The following ITPR2 variants were observed in gnomAD, a reference collection of about 807,000 sequenced individuals.
ITPR2 encodes inositol 1,4,5-trisphosphate-gated calcium channel ITPR2.
A neutral mutation model predicts 317.1 loss-of-function variants in ITPR2; 207 were observed. The ratio of observed to expected loss-of-function variants is 0.65; its 90% CI spans 0.58 to 0.73. The LOEUF (loss-of-function observed/expected upper bound fraction) is 0.73, where lower values mean the gene tolerates loss of function less well. ITPR2 is among the 30% of genes least tolerant of loss of function. The pLI, the probability that ITPR2 is intolerant of heterozygous loss-of-function variation, is 0.00. For synonymous variants in ITPR2, 1,156 were observed against 1,149.1 expected (o/e 1.01, Z -0.12); for missense variants, 2,613 against 3,284.0 (o/e 0.80, Z 4.99).
intron 37 of ITPR2, among the ~76,000 whole-genome samples, chr12:26,507,649 T>A (rs1943222098): frequency 6.6e-6 from 1 of 152,148 alleles, no homozygotes; most frequent in African/African-American, 2.4e-5. Flanking sequence ...TGAAATTAGC[T>A]TCTGGAAAAA....
At chr12:26,680,561 T>A (rs1309885221) in intron 13 of ITPR2, among the ~76,000 whole-genome samples, 1 of 152,150 alleles carries the variant, frequency 6.6e-6, no homozygotes, top group African/African-American at 2.4e-5. Context: ...CAGAAACTGA[T>A]AGATAAAATC....
intron 32 of ITPR2, among the ~76,000 whole-genome samples, chr12:26,589,699 A>C (rs1354159967): frequency 6.7e-6 from 1 of 149,468 alleles, no homozygotes; most frequent in African/African-American, 2.5e-5. Flanking sequence ...AGGCAGGAGA[A>C]TCACTTGAAA....
At chr12:26,715,969 T>C in intron 6 of ITPR2, 134 bp from the exon 7 acceptor site, 4 of 741,818 alleles carry the variant, frequency 5.4e-6, no homozygotes, top group South Asian at 5.4e-5. Flanking sequence ...CAAGTATCTT[T>C]GAGAGACCAT....
chr12:26,605,249 C>A (rs920902006), intron 26 of ITPR2, among the ~76,000 whole-genome samples: 2 of 151,474 alleles, frequency 1.3e-5, no homozygotes, highest in African/African-American at 4.8e-5. Flanking sequence ...GGCTAGAGGT[C>A]AGAGTATAAA....
At chr12:26,507,863 C>CTCTG (rs372756412) in intron 37 of ITPR2, among the ~76,000 whole-genome samples, 28 of 132,284 alleles carry the variant, frequency 2.1e-4, no homozygotes, top group South Asian at 1.9e-3. Context: ...CTCTCTGTCT[C>CTCTG]TGTGTGTGTG....
intron 44 of ITPR2, 127 bp downstream of exon 44, chr12:26,476,785 G>C (rs1018437885): frequency 2.1e-5 from 13 of 634,028 alleles, no homozygotes; most frequent in Non-Finnish European, 3.6e-5. Context: ...GTAATGGTAG[G>C]TCATGATGTT....
At chr12:26,825,295 T>C (rs1950993048) in intron 1 of ITPR2, among the ~76,000 whole-genome samples, 1 of 152,192 alleles carries the variant, frequency 6.6e-6, no homozygotes, top group Non-Finnish European at 1.5e-5. Flanking sequence ...AAATTTCATG[T>C]CTGGTTATAA....
chr12:26,469,752 G>GA (rs967689575), intron 45 of ITPR2, among the ~76,000 whole-genome samples: 3 of 151,976 alleles, frequency 2.0e-5, no homozygotes, highest in South Asian at 2.1e-4. Flanking sequence ...GAAACTCAAT[G>GA]AAAGAAAGAA....
chr12:26,736,762 A>C (rs2137073501), intron 2 of ITPR2, among the ~76,000 whole-genome samples: 1 of 152,350 alleles, frequency 6.6e-6, no homozygotes, highest in South Asian at 2.1e-4. Context: ...TTTTAGGCTG[A>C]TTCATATTAG....
intron 37 of ITPR2, among the ~76,000 whole-genome samples, chr12:26,503,224 TTAAG>T (rs1244242292): frequency 3.8e-5 from 1 of 26,066 alleles, no homozygotes; most frequent in Non-Finnish European, 1.2e-4. Context: ...CACACACGGA[TTAAG>T]TGAGAGACAA....
chr12:26,620,068 C>T lies in ITPR2; in HGVS notation c.3462+1055G>A, dbSNP rs75360896. On this transcript the variant is annotated intron_variant, in intron 26 of 56. Coordinates refer to ENST00000381340, the MANE Select transcript of ITPR2 (RefSeq NM_002223.4). ...ACCTGGCATTCAGCAAGCATTCCCA[C>T]CCCTCACGGTCCCTCTGTATCACAG... 7.0e-3 allele frequency among the ~76,000 whole-genome samples: 1,063 copies of T among 152,320 alleles called. 16 individuals carry two copies. The highest frequency in any genetic ancestry group is 0.024 in the African/African-American group (995 of 41,560).
At chr12:26,388,973 C>T (rs754073449) in intron 54 of ITPR2, among the ~76,000 whole-genome samples, 3 of 152,122 alleles carry the variant, frequency 2.0e-5, no homozygotes, top group East Asian at 1.9e-4. Flanking sequence ...GAATCCTCTC[C>T]GCCTCTCACA....
At chr12:26,529,543 CT>C (rs1943898227) in intron 37 of ITPR2, among the ~76,000 whole-genome samples, 1 of 152,214 alleles carries the variant, frequency 6.6e-6, no homozygotes, top group South Asian at 2.1e-4. Flanking sequence ...TGTTCTTGCT[CT>C]CCTTTTATCC....
chr12:26,457,438 C>T (rs548721675), intron 45 of ITPR2, among the ~76,000 whole-genome samples: 2 of 152,236 alleles, frequency 1.3e-5, no homozygotes, highest in African/African-American at 2.4e-5. Context: ...TTGACTTTTG[C>T]TGTGAAACTG....
intron 1 of ITPR2, among the ~76,000 whole-genome samples, chr12:26,805,405 G>A (rs1950624582): frequency 6.6e-6 from 1 of 152,128 alleles, no homozygotes. Flanking sequence ...CTGACACCAA[G>A]TACATACTCA....
intron 51 of ITPR2, among the ~76,000 whole-genome samples, chr12:26,414,989 G>T (rs1026056835): frequency 6.6e-6 from 1 of 152,070 alleles, no homozygotes; most frequent in African/African-American, 2.4e-5. Context: ...AGGAGGAAAA[G>T]ATTTTTAAAG....
intron 13 of ITPR2, among the ~76,000 whole-genome samples, chr12:26,668,932 A>T (rs1947687742): frequency 6.6e-6 from 1 of 152,088 alleles, no homozygotes; most frequent in Non-Finnish European, 1.5e-5. Flanking sequence ...CAGCCAGGGC[A>T]ACATAGTGAA....
chr12:26,432,338 G>C (rs1466577169), intron 48 of ITPR2, among the ~76,000 whole-genome samples: 2 of 151,994 alleles, frequency 1.3e-5, no homozygotes, highest in East Asian at 3.9e-4. Context: ...CCCTCATTTG[G>C]GGTTTGTCTG....
Position 26,680,195 on chromosome 12 carries a change from A to G in ITPR2, c.1409+1679T>C, listed in dbSNP as rs549480502. Among the ~76,000 whole-genome samples, 4 of 152,248 alleles carry G rather than the reference A, an allele frequency of 2.6e-5. No homozygotes were observed. In the East Asian group the frequency reaches 7.7e-4, roughly 29 times the overall value. ...TGTTAAATCACCAAAAAAAAAGGAA[A>G]CAGGCTCTATTGGACAAGAAAAACA... On this transcript the variant is annotated intron_variant, in intron 13 of 56. Coordinates refer to ENST00000381340, the MANE Select transcript of ITPR2 (RefSeq NM_002223.4).
Sources: gnomAD v4.1 joint callset for allele counts (sites outside exome capture counted in the v4.1 genomes callset) on GRCh38, gnomAD v4.1.1 for gene constraint, MANE v1.5 for transcripts, NCBI Gene and HGNC (gene_info 2026-07-23, HGNC 2026-07-21) for gene names.